Variants in ADAM23 observed in about 807,000 individuals in gnomAD.
ADAM23 encodes ADAM metallopeptidase domain 23.
In ADAM23, 33 loss-of-function variants were observed where a neutral mutation model predicts 120.1. The observed-to-expected ratio is 0.27, with a 90% CI of 0.21 to 0.37. The LOEUF is 0.37. Ranked by LOEUF, ADAM23 falls within the 10% of genes least tolerant of loss-of-function variation. The probability of loss-of-function intolerance (pLI) is 1.00; values close to 1 mark genes in which losing one functional copy is unlikely to be tolerated. For synonymous variants in ADAM23, 367 were observed against 375.2 expected (o/e 0.98, Z 0.25); for missense variants, 862 against 1,058.2 (o/e 0.81, Z 2.57).
intron 3 of ADAM23, among the ~76,000 whole-genome samples, chr2:206,517,505 CTGTGGATGCAA>C (rs2105787446): frequency 6.6e-6 from 1 of 152,248 alleles, no homozygotes; most frequent in South Asian, 2.1e-4. Flanking sequence ...ATACCAAGAA[CTGTGGATGCAA>C]TGTGGTGCCT....
At position 206,493,006 on chromosome 2, in the gene ADAM23, CTT is replaced by C. The variant is rs143168400; in HGVS notation, c.509+11699_509+11700del. 6.8e-4 allele frequency among the ~76,000 whole-genome samples: 103 copies of C among 152,290 alleles called. 1 individual carries two copies. The East Asian group carries it at 0.018, about 27-fold the overall frequency. On this transcript the variant is annotated intron_variant, in intron 3 of 25. Transcript: ENST00000264377. The stretch of plus-strand genomic sequence containing the variant: ...GCATAAATCTAGTCCCAAACAATAA[CTT>C]ATTAAATTTTCCTCTTGGTTCTCCA...
At chr2:206,571,087 A>G (rs1697986511) in intron 16 of ADAM23, among the ~76,000 whole-genome samples, 1 of 152,258 alleles carries the variant, frequency 6.6e-6, no homozygotes, top group South Asian at 2.1e-4. Flanking sequence ...ATCGTAAAAC[A>G]TTCTTTCCGT....
chr2:206,452,836 T>C (rs1431465744), intron 2 of ADAM23, among the ~76,000 whole-genome samples: 2 of 152,108 alleles, frequency 1.3e-5, no homozygotes, highest in Non-Finnish European at 2.9e-5. Context: ...CTCCCTCTCC[T>C]GCCTATAAAT....
chr2:206,546,708 A>G (rs1697405649), intron 6 of ADAM23, among the ~76,000 whole-genome samples: 1 of 152,158 alleles, frequency 6.6e-6, no homozygotes, highest in South Asian at 2.1e-4. Context: ...TAAGACAATG[A>G]TGTATCTCCC....
Position 206,570,809 on chromosome 2 carries a change from G to T in ADAM23, c.1564G>T (p.Val522Leu). ...AGEECDCGFHVECYGLCCKKC... is the reference protein window; with the variant it reads ...AGEECDCGFHLECYGLCCKKC... ...GGAGGAGTGTGATTGTGGTTTTCAT[G>T]TGGTAGGTATAAGAAACCTTCTATA... The change falls in exon 16 of 26, where the codon GTG becomes TTG. Residue 522 changes from valine to leucine, a missense_variant and splice_region_variant. Val to Leu is a conservative substitution (Grantham distance 32, BLOSUM62 1). Around this residue, in one of 4 missense-constraint regions of ADAM23, gnomAD observed 617 missense variants for 813.5 expected, o/e 0.76. Coordinates refer to ENST00000264377, the MANE Select transcript of ADAM23 (RefSeq NM_003812.4). The T allele has an allele frequency of 6.2e-7, 1 of 1,613,334 alleles. No homozygotes were observed.
intron 15 of ADAM23, among the ~76,000 whole-genome samples, chr2:206,567,896 G>T (rs1275949676): frequency 6.6e-6 from 1 of 152,144 alleles, no homozygotes; most frequent in African/African-American, 2.4e-5. Flanking sequence ...TTCACAAGGT[G>T]GCAGGAGAGA....
intron 2 of ADAM23, among the ~76,000 whole-genome samples, chr2:206,475,883 A>G (rs1440932635): frequency 6.6e-6 from 1 of 152,172 alleles, no homozygotes; most frequent in Non-Finnish European, 1.5e-5. Flanking sequence ...AGGTAAGGAA[A>G]AGAACCGTAT....
chr2:206,475,792 T>G (rs946759683), intron 2 of ADAM23, among the ~76,000 whole-genome samples: 2 of 152,108 alleles, frequency 1.3e-5, no homozygotes, highest in African/African-American at 2.4e-5. Context: ...AAAGGTGATG[T>G]TTTATATTCT....
intron 18 of ADAM23, among the ~76,000 whole-genome samples, chr2:206,578,826 A>G (rs956978198): frequency 6.6e-6 from 1 of 152,172 alleles, no homozygotes; most frequent in Non-Finnish European, 1.5e-5. Flanking sequence ...ACTGTTTTCC[A>G]TAGTGGCGGT....
chr2:206,470,535 A>G (rs1390232685), intron 2 of ADAM23, among the ~76,000 whole-genome samples: 1 of 152,208 alleles, frequency 6.6e-6, no homozygotes, highest in African/African-American at 2.4e-5. Context: ...TTCTACATCT[A>G]GCTTTGGGTA....
At chr2:206,610,036 T>C in intron 25 of ADAM23, 36 bp downstream of exon 25, 1 of 1,498,204 alleles carries the variant, frequency 6.7e-7, no homozygotes, top group Non-Finnish European at 8.9e-7. Flanking sequence ...TCAGTGGCTC[T>C]GGCATTTCTC....
chr2:206,477,318 A>G (rs1695794068), intron 2 of ADAM23, among the ~76,000 whole-genome samples: 1 of 152,228 alleles, frequency 6.6e-6, no homozygotes, highest in African/African-American at 2.4e-5. Context: ...GTTTGTGTAT[A>G]TAATTGAGTT....
rs1316435822 is a variant in ADAM23 at position 206,563,933 on chromosome 2, T to A, written c.1346-1087T>A. Reference sequence around the variant, plus strand: ...TTTTAGTAGAGATGGGGTTTCACTGTGTTAGCCAGTATGGTCTCGATCTCC... The same window carrying A: ...TTTTAGTAGAGATGGGGTTTCACTGAGTTAGCCAGTATGGTCTCGATCTCC... On this transcript the variant is annotated intron_variant, in intron 13 of 25. Transcript: ENST00000264377. Among the ~76,000 whole-genome samples, 3 of 152,010 alleles carry A rather than the reference T, an allele frequency of 2.0e-5. No homozygotes were observed. The South Asian group carries it at 6.2e-4, about 32-fold the overall frequency.
rs185961243 is a variant in ADAM23, at chr2:206,507,076, A to G, written c.510-23809A>G. The stretch of plus-strand genomic sequence containing the variant: ...TCTATTTAAGGACTCTTGCTTTTCA[A>G]CATTCACATAGTGAGATATAAATGC... On this transcript the variant is annotated intron_variant, in intron 3 of 25. Coordinates refer to ENST00000264377, the MANE Select transcript of ADAM23 (RefSeq NM_003812.4). 5.1e-3 allele frequency among the ~76,000 whole-genome samples: 784 copies of G among 152,364 alleles called. 4 individuals carry two copies. Among genetic ancestry groups the G allele is most frequent in the Non-Finnish European group, 9.3e-3 (632 of 68,030 alleles).
intron 6 of ADAM23, among the ~76,000 whole-genome samples, chr2:206,546,960 C>A (rs535805405): frequency 1.3e-5 from 2 of 152,224 alleles, no homozygotes; most frequent in South Asian, 4.1e-4. Context: ...CTCTCTCAAA[C>A]TATGCTACCA....
chr2:206,595,164 A>G (rs1029221594), intron 23 of ADAM23, among the ~76,000 whole-genome samples: 1 of 152,166 alleles, frequency 6.6e-6, no homozygotes, highest in African/African-American at 2.4e-5. Context: ...CTGGCGACAG[A>G]GCGAGACTCC....
intron 9 of ADAM23, among the ~76,000 whole-genome samples, chr2:206,556,774 A>T (rs1439334761): frequency 1.3e-5 from 2 of 152,156 alleles, no homozygotes; most frequent in African/African-American, 4.8e-5. Context: ...GAGCAGTCAA[A>T]AGCAAATGGC....
At chr2:206,599,094 A>G (rs971246554) in intron 24 of ADAM23, among the ~76,000 whole-genome samples, 1 of 151,132 alleles carries the variant, frequency 6.6e-6, no homozygotes, top group Non-Finnish European at 1.5e-5. Flanking sequence ...AGTACCAGAT[A>G]CTGGGGAGGC....
At chr2:206,522,107 G>C (rs928116763) in intron 3 of ADAM23, among the ~76,000 whole-genome samples, 2 of 151,542 alleles carry the variant, frequency 1.3e-5, no homozygotes, top group Non-Finnish European at 2.9e-5. Context: ...TTTATTCATA[G>C]GTTATATATA....
Sources: allele counts gnomAD v4.1 joint callset (sites outside exome capture counted in the v4.1 genomes callset), GRCh38; gene constraint gnomAD v4.1.1; regional missense constraint gnomAD v4.1.1; transcripts MANE v1.5; gene names NCBI Gene and HGNC (gene_info 2026-07-23, HGNC 2026-07-21).